Variants in RSF1 observed in about 807,000 individuals in gnomAD.
RSF1 encodes the protein HBV pX-associated protein 8.
Under a neutral mutation model 145.2 loss-of-function variants are expected in RSF1, and 13 were observed. The observed-to-expected ratio is 0.09, with a 90% CI of 0.06 to 0.14. RSF1 has a LOEUF of 0.14. Ranked by LOEUF, RSF1 falls within the 10% of genes least tolerant of loss-of-function variation. The pLI is 1.00. For synonymous variants in RSF1, 577 were observed against 592.6 expected (o/e 0.97, Z 0.38); for missense variants, 1,517 against 1,718.2 (o/e 0.88, Z 2.07).
the RSF1 span, among the ~76,000 whole-genome samples, chr11:77,852,894 T>C: frequency 3.9e-5 from 6 of 152,214 alleles, no homozygotes; most frequent in Non-Finnish European, 7.3e-5. Context: ...TACCACTGTA[T>C]AGTAACCAAC....
rs1565140074 is a variant in RSF1, at chr11:77,664,693, A to C, written c.*2224T>G. 6.6e-6 allele frequency: 1 copy of C among 152,214 alleles called. No homozygotes were observed. The highest frequency in any genetic ancestry group is 1.5e-5 in the Non-Finnish European group (1 of 68,044). The allele number at this position is 152,214 out of a possible 1,614,324, so 9.4% of individuals were successfully genotyped here. A position where few individuals can be genotyped will look rare whatever the true frequency, so the allele number is the denominator to read the frequency against. ...CTGGGTGGCAGGAAAGGGCACTTGT[A>C]TATTCAAACCACTTACCTTGCACTA... On this transcript the variant is annotated 3_prime_UTR_variant, in exon 16 of 16. Transcript: ENST00000308488.
At chr11:77,755,886 G>A (rs759713932) in intron 2 of RSF1, among the ~76,000 whole-genome samples, 1 of 152,056 alleles carries the variant, frequency 6.6e-6, no homozygotes, top group Admixed American at 6.6e-5. Flanking sequence ...GCTGAGCTCT[G>A]GGAAGTGAAG....
intron 12 of RSF1, 52 bp from the exon 13 acceptor site, chr11:77,677,051 A>C (rs1396778360): frequency 1.5e-6 from 2 of 1,378,470 alleles, no homozygotes; most frequent in Non-Finnish European, 1.0e-6. Context: ...GTTTATTAAA[A>C]GCTTCCCTTT....
chr11:77,732,798 T>C (rs890438379), intron 4 of RSF1, among the ~76,000 whole-genome samples: 4 of 152,202 alleles, frequency 2.6e-5, no homozygotes, highest in Non-Finnish European at 5.9e-5. Context: ...ACCTCTTTCT[T>C]TTGCAAATTG....
At chr11:77,793,483 C>CA (rs953037706) in intron 1 of RSF1, among the ~76,000 whole-genome samples, 27 of 149,464 alleles carry the variant, frequency 1.8e-4, no homozygotes, top group Non-Finnish European at 3.3e-4. Flanking sequence ...GATCTTCCCT[C>CA]AAAAAAAAAG....
At chr11:77,789,409 A>G (rs1948493367) in intron 1 of RSF1, among the ~76,000 whole-genome samples, 1 of 152,192 alleles carries the variant, frequency 6.6e-6, no homozygotes, top group Non-Finnish European at 1.5e-5. Flanking sequence ...CCTGGGGCCC[A>G]GTGCCACCAG....
Position 77,788,136 on chromosome 11 carries a change from C to A in RSF1, c.188-23447G>T, listed in dbSNP as rs1250915155. The stretch of plus-strand genomic sequence containing the variant: ...TAACCTGGGCAACCAGAGTGAGACA[C>A]TATCTCAAAAAAAAAAAAAAAAAAA... On this transcript the variant is annotated intron_variant, in intron 1 of 15. Coordinates refer to ENST00000308488, the MANE Select transcript of RSF1 (RefSeq NM_016578.4). Among the ~76,000 whole-genome samples, 6 of 16,962 alleles carry A rather than the reference C, an allele frequency of 3.5e-4. No individual in the cohort carries two copies. The South Asian group carries it at 0.016, about 45-fold the overall frequency. 11.1% of individuals were successfully genotyped at this position (16,962 alleles called of 152,430 possible).
rs907954341 is a variant in RSF1 at position 77,743,768 on chromosome 11, AG to A, written c.373-2833del. ...AGTACTATGTTGAATGTAAGTGGCA[AG>A]TGGGTGTCCTTGTCTTGCTCCTGAT... On this transcript the variant is annotated intron_variant, in intron 3 of 15. Coordinates refer to ENST00000308488, the MANE Select transcript of RSF1 (RefSeq NM_016578.4). 1.4e-4 allele frequency among the ~76,000 whole-genome samples: 21 copies of A among 152,252 alleles called. No individual in the cohort carries two copies. In the South Asian group the frequency reaches 3.3e-3, roughly 24 times the overall value.
chr11:77,811,916 G>A (rs567535971), intron 1 of RSF1, among the ~76,000 whole-genome samples: 120 of 152,332 alleles, frequency 7.9e-4, no homozygotes, highest in African/African-American at 2.7e-3. Flanking sequence ...GCTCACGCCT[G>A]TAATCCCAGC....
intron 9 of RSF1, among the ~76,000 whole-genome samples, chr11:77,686,700 T>C (rs1196981250): frequency 6.6e-6 from 1 of 150,602 alleles, no homozygotes; most frequent in East Asian, 1.9e-4. Context: ...AATCATTCAG[T>C]GGACTTCTAA....
At chr11:77,718,514 G>A in intron 5 of RSF1, 1 of 152,070 alleles carries the variant, frequency 6.6e-6, no homozygotes, top group East Asian at 1.9e-4. Context: ...ACTGAATTGT[G>A]TCCCCCACAA....
At chr11:77,725,818 C>T (rs1166980311) in intron 4 of RSF1, 119 bp from the exon 5 acceptor site, 1 of 704,938 alleles carries the variant, frequency 1.4e-6, no homozygotes, top group Non-Finnish European at 2.1e-6. Context: ...ACATCAAAAA[C>T]ACTGGTACAG....
At chr11:77,692,161 G>T (rs551444209) in intron 8 of RSF1, among the ~76,000 whole-genome samples, 112 of 150,516 alleles carry the variant, frequency 7.4e-4, no homozygotes, top group Non-Finnish European at 1.5e-3. Context: ...AAAGTGCTGG[G>T]ATTATAGGCA....
rs145198818 is a variant in RSF1, at chr11:77,702,222, G to T, written c.1007C>A (p.Thr336Asn). ...VKECRADPKD[T>N]KSSMEKPVAQ... ...CACTGGCTTCTCCATGCTACTTTTG[G>T]TATCTTTAGGATCTGCTCTACATTC... Residue 336 changes from threonine to asparagine, a missense_variant, in exon 6 of 16, where the codon ACC becomes AAC. By Grantham distance (65) the Thr-to-Asn change is moderately conservative (BLOSUM62 0). Around this residue, in one of 12 missense-constraint regions of RSF1, gnomAD observed 207 missense variants for 191.4 expected, o/e 1.08. Transcript: ENST00000308488. 177 of 1,613,832 alleles carry T rather than the reference G, an allele frequency of 1.1e-4. No homozygotes were observed. Among genetic ancestry groups the T allele is most frequent in the Non-Finnish European group, 1.2e-4 (142 of 1,179,936 alleles).
rs74961863 is a variant in RSF1 at position 77,806,345 on chromosome 11, T to G, written c.187+14183A>C. Among the ~76,000 whole-genome samples, 332 of 152,202 alleles carry G rather than the reference T, an allele frequency of 2.2e-3. 1 individual carries two copies. The highest frequency in any genetic ancestry group is 7.5e-3 in the African/African-American group (312 of 41,526). ...CTCAGAGGATTCAAATAAAAAGTAATAAGCTTAGAAGAGGTTAATAACATA... is the reference window on the plus strand; with the variant it reads ...CTCAGAGGATTCAAATAAAAAGTAAGAAGCTTAGAAGAGGTTAATAACATA... On this transcript the variant is annotated intron_variant, in intron 1 of 15. Coordinates refer to ENST00000308488, the MANE Select transcript of RSF1 (RefSeq NM_016578.4).
At chr11:77,709,106 C>G (rs1197756858) in intron 5 of RSF1, among the ~76,000 whole-genome samples, 1 of 152,168 alleles carries the variant, frequency 6.6e-6, no homozygotes, top group Non-Finnish European at 1.5e-5. Context: ...AGGGTCCTGA[C>G]TGTTGTTGTC....
At chr11:77,679,395 G>T (rs1029443002) in intron 11 of RSF1, among the ~76,000 whole-genome samples, 1 of 152,158 alleles carries the variant, frequency 6.6e-6, no homozygotes, top group African/African-American at 2.4e-5. Context: ...TAATATGTCT[G>T]GGCACAGTGG....
chr11:77,739,763 G>A (rs766335645), intron 4 of RSF1, among the ~76,000 whole-genome samples: 1 of 152,038 alleles, frequency 6.6e-6, no homozygotes, highest in Non-Finnish European at 1.5e-5. Context: ...TATAATTTGT[G>A]GAATATTTCT....
Position 77,672,074 on chromosome 11 carries a change from T to C in RSF1, c.3719A>G (p.His1240Arg), listed in dbSNP as rs1365854548. The change falls in exon 15 of 16, where the codon CAC (histidine) becomes CGC (arginine). Residue 1240 changes from histidine (H) to arginine (R), a missense_variant. His to Arg is a conservative substitution (Grantham distance 29). This residue lies in a region of RSF1 where 240 missense variants were observed against 231.8 expected (regional missense o/e 1.04). Coordinates refer to ENST00000308488, the MANE Select transcript of RSF1 (RefSeq NM_016578.4). ...CTCTGAGCTGGAAAGTCTTCGCTTGTGTACTCGCCTTATTTCTTTACCACG... is the reference window on the plus strand; with the variant it reads ...CTCTGAGCTGGAAAGTCTTCGCTTGCGTACTCGCCTTATTTCTTTACCACG... ...LRRGKEIRRVHKRRLSSSESE... is the reference protein window; with the variant it reads ...LRRGKEIRRVRKRRLSSSESE... 1.2e-6 allele frequency: 2 copies of C among 1,613,620 alleles called. No individual in the cohort carries two copies. The highest frequency in any genetic ancestry group is 1.3e-5 in the African/African-American group (1 of 74,884).
Sources: allele counts gnomAD v4.1 joint callset (sites outside exome capture counted in the v4.1 genomes callset), GRCh38; gene constraint gnomAD v4.1.1; regional missense constraint gnomAD v4.1.1; transcripts MANE v1.5; gene names NCBI Gene and HGNC (gene_info 2026-07-23, HGNC 2026-07-21).